Variants in RAPGEF5 observed in about 807,000 individuals in gnomAD.
RAPGEF5 encodes the protein Rap guanine nucleotide exchange factor 5, also known as M-Ras-regulated GEF.
RAPGEF5 carries 65 observed loss-of-function variants against 125.2 expected under a neutral mutation model. The observed-to-expected ratio is 0.52, with a 90% CI of 0.43 to 0.64. The LOEUF (loss-of-function observed/expected upper bound fraction) is 0.64, where lower values mean the gene tolerates loss of function less well. Among genes scored for constraint, RAPGEF5 ranks in the 30% least tolerant of loss-of-function variants. The pLI, the probability that RAPGEF5 is intolerant of heterozygous loss-of-function variation, is 0.00. For missense variants in RAPGEF5, 958 were observed against 1,048.1 expected, an observed-to-expected ratio of 0.91 and a Z score of 1.19; for synonymous variants, 391 against 385.9, an observed-to-expected ratio of 1.01 and a Z score of -0.16.
At chr7:22,311,168 G>A (rs888747343) in intron 3 of RAPGEF5, among the ~76,000 whole-genome samples, 4 of 152,040 alleles carry the variant, frequency 2.6e-5, no homozygotes, top group African/African-American at 4.8e-5. Context: ...TAGGAGTACA[G>A]GTGCTCACCA....
intron 21 of RAPGEF5, among the ~76,000 whole-genome samples, chr7:22,137,534 A>G (rs557186376): frequency 7.2e-5 from 11 of 152,336 alleles, no homozygotes; most frequent in East Asian, 3.9e-4. Context: ...CATCCTCCCA[A>G]ATAAAAATTC....
chr7:22,232,137 GAA>G (rs113186661), intron 7 of RAPGEF5, among the ~76,000 whole-genome samples: 1 of 151,824 alleles, frequency 6.6e-6, no homozygotes, highest in Non-Finnish European at 1.5e-5. Flanking sequence ...TATGGAGAGA[GAA>G]AAAAGAGATG....
At chr7:22,182,487 TCA>T (rs948899538) in intron 11 of RAPGEF5, among the ~76,000 whole-genome samples, 2 of 152,138 alleles carry the variant, frequency 1.3e-5, no homozygotes, top group African/African-American at 4.8e-5. Context: ...CCCACTTAAA[TCA>T]CACATTTAAA....
At chr7:22,197,930 C>G (rs1204498392) in intron 9 of RAPGEF5, among the ~76,000 whole-genome samples, 1 of 144,600 alleles carries the variant, frequency 6.9e-6, no homozygotes, top group Non-Finnish European at 1.5e-5. Flanking sequence ...CACTCTGTCA[C>G]CCAGGCTGGA....
intron 18 of RAPGEF5, among the ~76,000 whole-genome samples, chr7:22,148,393 T>C (rs928614951): frequency 1.3e-5 from 2 of 152,234 alleles, no homozygotes; most frequent in Admixed American, 1.3e-4. Flanking sequence ...AGGTTGTCCA[T>C]TGCCCTTGCC....
At chr7:22,282,704 C>T (rs1303302559) in intron 6 of RAPGEF5, among the ~76,000 whole-genome samples, 1 of 152,136 alleles carries the variant, frequency 6.6e-6, no homozygotes, top group Non-Finnish European at 1.5e-5. Context: ...AAGGTAAGAA[C>T]TCAACAAATA....
chr7:22,353,397 A>G (rs1370253265), intron 1 of RAPGEF5, among the ~76,000 whole-genome samples: 2 of 152,220 alleles, frequency 1.3e-5, no homozygotes, highest in African/African-American at 4.8e-5. Context: ...TTTAGGTGTG[A>G]AAAAGGCAAA....
intron 18 of RAPGEF5, among the ~76,000 whole-genome samples, chr7:22,149,857 C>A (rs552459023): frequency 2.0e-5 from 3 of 152,200 alleles, no homozygotes; most frequent in South Asian, 4.2e-4. Flanking sequence ...TATCTCAAAT[C>A]CCTTATTTCA....
At position 22,133,171 on chromosome 7, in the gene RAPGEF5, C is replaced by T. The variant is rs190479805; in HGVS notation, c.2417-2070G>A. Among the ~76,000 whole-genome samples, 116 of 152,282 alleles carry T rather than the reference C, an allele frequency of 7.6e-4. No homozygotes were observed. The East Asian group carries it at 0.016, about 21-fold the overall frequency. The stretch of plus-strand genomic sequence containing the variant: ...TCTTAGCTCTCAGTAGAGTGTGTGG[C>T]GGCTCTATTGAGGGGCCAGGGCCTG... On this transcript the variant is annotated intron_variant, in intron 23 of 25. Transcript: ENST00000665637.
chr7:22,354,631 T>G (rs2128390365), intron 1 of RAPGEF5, among the ~76,000 whole-genome samples: 1 of 152,292 alleles, frequency 6.6e-6, no homozygotes, highest in South Asian at 2.1e-4. Flanking sequence ...AGGCCTTTGA[T>G]AATTATTTAG....
intron 3 of RAPGEF5, among the ~76,000 whole-genome samples, chr7:22,311,556 G>C (rs1483482734): frequency 2.0e-5 from 3 of 152,086 alleles, no homozygotes; most frequent in African/African-American, 7.2e-5. Flanking sequence ...TTTCTGCTGA[G>C]ATATTTGATC....
At chr7:22,212,632 T>A (rs374000479) in intron 9 of RAPGEF5, among the ~76,000 whole-genome samples, 5 of 152,224 alleles carry the variant, frequency 3.3e-5, no homozygotes, top group Non-Finnish European at 7.3e-5. Context: ...CAACTCTCCA[T>A]CTGTCTGTGC....
intron 2 of RAPGEF5, among the ~76,000 whole-genome samples, chr7:22,317,595 A>T (rs1183734750): frequency 6.6e-6 from 1 of 152,188 alleles, no homozygotes; most frequent in Non-Finnish European, 1.5e-5. Flanking sequence ...GATAAATAAC[A>T]AGGAAGTAAA....
intron 6 of RAPGEF5, 58 bp downstream of exon 6, chr7:22,291,117 C>G: frequency 1.3e-6 from 2 of 1,505,608 alleles, no homozygotes. Context: ...AACTTCCCTT[C>G]TAGGACCCCA....
intron 7 of RAPGEF5, among the ~76,000 whole-genome samples, chr7:22,257,787 G>A (rs1412606977): frequency 6.6e-6 from 1 of 152,118 alleles, no homozygotes; most frequent in Non-Finnish European, 1.5e-5. Context: ...AGGGTGGGGA[G>A]GGGTTGTAAG....
At chr7:22,227,549 A>G (rs918992077) in intron 8 of RAPGEF5, among the ~76,000 whole-genome samples, 9 of 152,182 alleles carry the variant, frequency 5.9e-5, no homozygotes, top group Non-Finnish European at 1.0e-4. Context: ...TATATTATAA[A>G]TTACTCAAGG....
chr7:22,158,815 G>A (rs1338507136), intron 14 of RAPGEF5, among the ~76,000 whole-genome samples: 1 of 152,052 alleles, frequency 6.6e-6, no homozygotes, highest in Non-Finnish European at 1.5e-5. Context: ...TGTAGAGATG[G>A]GGGTCTCACT....
chr7:22,254,397 T>C (rs1206866287), intron 7 of RAPGEF5, among the ~76,000 whole-genome samples: 2 of 147,666 alleles, frequency 1.4e-5, no homozygotes, highest in African/African-American at 5.0e-5. Context: ...TCACCTGAGG[T>C]GGGATGTTTG....
intron 7 of RAPGEF5, among the ~76,000 whole-genome samples, chr7:22,249,507 G>T (rs1562488156): frequency 6.6e-6 from 1 of 151,914 alleles, no homozygotes; most frequent in Non-Finnish European, 1.5e-5. Flanking sequence ...TTAAACTAGT[G>T]CAAATCCGCT....
Sources: gnomAD v4.1 joint callset for allele counts (sites outside exome capture counted in the v4.1 genomes callset) on GRCh38, gnomAD v4.1.1 for gene constraint, MANE v1.5 for transcripts, NCBI Gene and HGNC (gene_info 2026-07-23, HGNC 2026-07-21) for gene names.